OXR1: variants seen among roughly 807,000 people sequenced by gnomAD.
OXR1 encodes oxidation resistance protein 1.
A neutral mutation model predicts 104.6 loss-of-function variants in OXR1; 41 were observed. That is an observed-to-expected ratio of 0.39 (90% CI 0.31 to 0.51). OXR1 has a LOEUF of 0.51. Ranked by LOEUF, OXR1 falls within the 20% of genes least tolerant of loss-of-function variation. OXR1 has a pLI of 0.77. For synonymous variants in OXR1, 348 were observed against 348.4 expected, an observed-to-expected ratio of 1.00 and a Z score of 0.01; for missense variants, 955 against 1,031.9, an observed-to-expected ratio of 0.93 and a Z score of 1.02.
intron 3 of OXR1, among the ~76,000 whole-genome samples, chr8:106,618,554 ATTTGTAACAAGTCC>A (rs1440819695): frequency 6.6e-6 from 1 of 152,222 alleles, no homozygotes; most frequent in Non-Finnish European, 1.5e-5. Flanking sequence ...TCCAGTGGCC[ATTTGTAACAAGTCC>A]TTAGCGATTT....
intron 2 of OXR1, among the ~76,000 whole-genome samples, chr8:106,492,536 CAAG>C (rs1811158946): frequency 6.6e-6 from 1 of 152,038 alleles, no homozygotes; most frequent in South Asian, 2.1e-4. Context: ...GCAGGCGTAC[CAAG>C]TAGGAGCTAC....
chr8:106,665,882 C>T (rs866303080), intron 3 of OXR1, among the ~76,000 whole-genome samples: 1 of 151,844 alleles, frequency 6.6e-6, no homozygotes, highest in African/African-American at 2.4e-5. Flanking sequence ...CACAGTGTCC[C>T]TAGGATAAAG....
chr8:106,528,368 G>T (rs1189639341), intron 3 of OXR1, among the ~76,000 whole-genome samples: 1 of 152,196 alleles, frequency 6.6e-6, no homozygotes, highest in Non-Finnish European at 1.5e-5. Context: ...CCAATGCAAT[G>T]ATCCTGTCTT....
chr8:106,334,072 C>T (rs1415484747), intron 1 of OXR1, among the ~76,000 whole-genome samples: 4 of 152,152 alleles, frequency 2.6e-5, no homozygotes, highest in Non-Finnish European at 5.9e-5. Context: ...ACCATCTTCA[C>T]AACATTAATT....
chr8:106,707,475 A>T (rs1456328062), intron 9 of OXR1: 7 of 461,750 alleles, frequency 1.5e-5, no homozygotes, highest in Non-Finnish European at 2.3e-5. Flanking sequence ...TTTTCTCTTA[A>T]AAAGTTTTTG....
chr8:106,703,000 A>T lies in OXR1; in HGVS notation c.770A>T (p.Glu257Val). 1 of 1,613,682 alleles carries T rather than the reference A, an allele frequency of 6.2e-7. No individual in the cohort carries two copies. The highest frequency in any genetic ancestry group is 8.5e-7 in the Non-Finnish European group (1 of 1,179,654). ...TTGGTTCAAGAGAATGGCTGTGAGGAATATGGCATCATGTGTCCAATGGAA... is the reference window on the plus strand; with the variant it reads ...TTGGTTCAAGAGAATGGCTGTGAGGTATATGGCATCATGTGTCCAATGGAA... ...DPLVQENGCE[E>V]YGIMCPMEEV... Residue 257 changes from glutamate to valine, a missense_variant, in exon 8 of 17, where the codon GAA becomes GTA. This residue lies in a region of OXR1 where 849 missense variants were observed against 852.9 expected (regional missense o/e 1.00). Transcript: ENST00000517566.
intron 3 of OXR1, among the ~76,000 whole-genome samples, chr8:106,620,060 A>G (rs996828474): frequency 6.6e-6 from 1 of 152,064 alleles, no homozygotes; most frequent in African/African-American, 2.4e-5. Context: ...AGCAATGAAT[A>G]TTTCATATAT....
At chr8:106,394,968 G>T (rs1281903167) in intron 2 of OXR1, among the ~76,000 whole-genome samples, 1 of 151,836 alleles carries the variant, frequency 6.6e-6, no homozygotes, top group Non-Finnish European at 1.5e-5. Context: ...GAAATCTAAC[G>T]TTTACAAATG....
chr8:106,340,040 G>C (rs1383774442), intron 1 of OXR1, among the ~76,000 whole-genome samples: 2 of 152,028 alleles, frequency 1.3e-5, no homozygotes, highest in African/African-American at 4.8e-5. Flanking sequence ...TTTCTTAGCT[G>C]ATGAAAGAAT....
In OXR1 at chr8:106,683,431, T is replaced by C. The variant is rs534565015; in HGVS notation, c.411+125T>C. The stretch of plus-strand genomic sequence containing the variant: ...TAATTTTATATGTGCTTTTAACAAA[T>C]CATATTGGCCATGTAAGAGAAAATT... On this transcript the variant is annotated intron_variant, in intron 5 of 16. Coordinates refer to ENST00000517566, the MANE Select transcript of OXR1 (RefSeq NM_001198533.2). 2.2e-5 allele frequency: 11 copies of C among 500,362 alleles called. No homozygotes were observed. In the South Asian group the frequency reaches 4.4e-4, roughly 20 times the overall value. 31.0% of individuals were successfully genotyped at this position (500,362 alleles called of 1,614,324 possible).
chr8:106,359,574 G>A lies in OXR1; in HGVS notation c.-40G>A, dbSNP rs1035998356. 2.0e-6 allele frequency: 3 copies of A among 1,531,468 alleles called. No individual in the cohort carries two copies. The highest frequency in any genetic ancestry group is 2.4e-5 in the South Asian group (2 of 83,592). 94.9% of individuals were successfully genotyped at this position (1,531,468 alleles called of 1,614,324 possible). On this transcript the variant is annotated 5_prime_UTR_variant, in exon 2 of 17. Transcript: ENST00000517566. ...TGTCGACTTGACCTGCTAATTTCCT[G>A]TTCTGGAATCGAGAGAAGACTCCTC...
At chr8:106,501,492 A>G (rs920192202) in intron 2 of OXR1, among the ~76,000 whole-genome samples, 9 of 152,146 alleles carry the variant, frequency 5.9e-5, no homozygotes, top group African/African-American at 2.2e-4. Context: ...TATGTTTTTT[A>G]AAAGCACTTT....
intron 7 of OXR1, 96 bp downstream of exon 7, chr8:106,692,973 G>C (rs1829465873): frequency 1.2e-6 from 1 of 825,960 alleles, no homozygotes; most frequent in Non-Finnish European, 1.8e-6. Context: ...ATCAATGTCA[G>C]AAAATGCTTG....
intron 3 of OXR1, among the ~76,000 whole-genome samples, chr8:106,579,501 T>C (rs933018016): frequency 6.6e-6 from 1 of 152,214 alleles, no homozygotes; most frequent in African/African-American, 2.4e-5. Flanking sequence ...TCTGATTATC[T>C]ACGAGAGTGC....
intron 2 of OXR1, among the ~76,000 whole-genome samples, chr8:106,425,222 TTTTTC>T (rs998691065): frequency 2.6e-5 from 4 of 151,332 alleles, no homozygotes; most frequent in African/African-American, 7.3e-5. Flanking sequence ...TCCTGCCTCT[TTTTTC>T]TTTTCTTTTC....
At chr8:106,715,909 T>C (rs1832199552) in intron 11 of OXR1, among the ~76,000 whole-genome samples, 1 of 152,042 alleles carries the variant, frequency 6.6e-6, no homozygotes, top group Admixed American at 6.6e-5. Context: ...GAGAAAAAAA[T>C]AATTTTGGAA....
At chr8:106,345,958 A>G (rs901572813) in intron 1 of OXR1, among the ~76,000 whole-genome samples, 2 of 152,160 alleles carry the variant, frequency 1.3e-5, no homozygotes, top group Non-Finnish European at 2.9e-5. Flanking sequence ...AAATTTGATC[A>G]TTCGGTAAAA....
rs538692171 is a variant in OXR1 at position 106,687,445 on chromosome 8, G to A, written c.525+3086G>A. ...CTTAAAATTATTCAGTTTCTACCGGGCATAGTGGCTCACGCTGGTAATCCC... is the reference window on the plus strand; with the variant it reads ...CTTAAAATTATTCAGTTTCTACCGGACATAGTGGCTCACGCTGGTAATCCC... On this transcript the variant is annotated intron_variant, in intron 6 of 16. Transcript: ENST00000517566. Among the ~76,000 whole-genome samples the A allele has an allele frequency of 9.2e-5, 14 of 152,102 alleles. 1 individual carries two copies. Among genetic ancestry groups the A allele is most frequent in the Admixed American group, 4.6e-4 (7 of 15,278 alleles).
At chr8:106,396,989 A>G (rs555679902) in intron 2 of OXR1, among the ~76,000 whole-genome samples, 2 of 151,662 alleles carry the variant, frequency 1.3e-5, no homozygotes, top group African/African-American at 4.8e-5. Context: ...GCAAGGAAAA[A>G]CCCCCAGCAA....
Sources: gnomAD v4.1 joint callset for allele counts (sites outside exome capture counted in the v4.1 genomes callset) on GRCh38, gnomAD v4.1.1 for gene constraint, gnomAD v4.1.1 regional missense constraint, MANE v1.5 for transcripts, NCBI Gene and HGNC (gene_info 2026-07-23, HGNC 2026-07-21) for gene names.